The following TNFAIP8L3 variants were observed in gnomAD, a reference collection of about 807,000 sequenced individuals.
The protein encoded by TNFAIP8L3 is TNF alpha induced protein 8 like 3.
TNFAIP8L3 carries 7 observed loss-of-function variants against 11.8 expected under a neutral mutation model. The observed-to-expected ratio is 0.59, with a 90% CI of 0.34 to 1.11. The LOEUF (loss-of-function observed/expected upper bound fraction) is 1.11. Among genes scored for constraint, TNFAIP8L3 ranks in the 50% most tolerant of loss-of-function variants. TNFAIP8L3 has a pLI of 0.03. For synonymous variants in TNFAIP8L3, 98 were observed against 103.8 expected (o/e 0.94, Z 0.34); for missense variants, 219 against 258.6 (o/e 0.85, Z 1.05).
chr15:51,095,265 G>A (rs1301618551), upstream of TNFAIP8L3, among the ~76,000 whole-genome samples: 3 of 149,290 alleles, frequency 2.0e-5, no homozygotes, highest in East Asian at 2.0e-4. Flanking sequence ...GGAAGGGAGC[G>A]GGGAATAAGG....
rs764200057 is a variant in TNFAIP8L3, at chr15:51,058,006, C to T, written c.490G>A (p.Val164Ile). 5.6e-6 allele frequency: 9 copies of T among 1,614,074 alleles called. No individual in the cohort carries two copies. Among genetic ancestry groups the T allele is most frequent in the Admixed American group, 3.3e-5 (2 of 60,010 alleles). The change falls in exon 2 of 2, where the codon GTC (valine) becomes ATC (isoleucine). Residue 164 changes from valine (V) to isoleucine (I), a missense_variant. Val to Ile is a conservative substitution (Grantham distance 29, BLOSUM62 3). Transcript: ENST00000637513. ...TCCACATCGGCAAAGTGGTTAAAGACGTGGTTGATGCGCCCGTGGGTCCTG... is the reference window on the plus strand; with the variant it reads ...TCCACATCGGCAAAGTGGTTAAAGATGTGGTTGATGCGCCCGTGGGTCCTG... Reference protein sequence around the residue: ...TPRTHGRINHVFNHFADVEFL... With the variant: ...TPRTHGRINHIFNHFADVEFL...
At chr15:51,084,832 G>A (rs1271522530) in intron 1 of TNFAIP8L3, among the ~76,000 whole-genome samples, 1 of 152,212 alleles carries the variant, frequency 6.6e-6, no homozygotes, top group Non-Finnish European at 1.5e-5. Flanking sequence ...AAAGCTTACA[G>A]CTATTGTTAT....
At chr15:51,084,005 T>C (rs528566878) in intron 1 of TNFAIP8L3, among the ~76,000 whole-genome samples, 5 of 152,366 alleles carry the variant, frequency 3.3e-5, no homozygotes, top group South Asian at 2.1e-4. Flanking sequence ...GAAAGCTGCA[T>C]GTACTCACTG....
At chr15:51,092,494 C>T (rs918589944) in intron 1 of TNFAIP8L3, among the ~76,000 whole-genome samples, 2 of 152,182 alleles carry the variant, frequency 1.3e-5, no homozygotes, top group Non-Finnish European at 2.9e-5. Context: ...GAATATAATG[C>T]GTGAGACTGA....
chr15:51,098,559 A>T (rs945460154), upstream of TNFAIP8L3, among the ~76,000 whole-genome samples: 14 of 152,246 alleles, frequency 9.2e-5, no homozygotes, highest in Admixed American at 4.6e-4. Context: ...CAGCCTTGAG[A>T]AAGGGAGCTT....
At chr15:51,099,590 C>T (rs1453432915), upstream of TNFAIP8L3, among the ~76,000 whole-genome samples, 6 of 152,184 alleles carry the variant, frequency 3.9e-5, no homozygotes, top group Non-Finnish European at 8.8e-5. Context: ...CCTCCCTGAT[C>T]ACACATGGTG....
chr15:51,079,892 AAAAAG>A (rs2065379948), intron 1 of TNFAIP8L3, among the ~76,000 whole-genome samples: 3 of 151,832 alleles, frequency 2.0e-5, no homozygotes, highest in Admixed American at 6.6e-5. Context: ...AAGAAAGAAA[AAAAAG>A]AAAAGTCATT....
In TNFAIP8L3 at chr15:51,093,618, A is replaced by C. The variant is rs138989834; in HGVS notation, c.52+926T>G. On this transcript the variant is annotated intron_variant, in intron 1 of 1. Coordinates refer to ENST00000637513, the MANE Select transcript of TNFAIP8L3 (RefSeq NM_001311175.2). ...TCTGTACAGGAGGGTCCCAGCCCGCAGGTCACGGGTCTGCAGGCCCACAGC... is the reference window on the plus strand; with the variant it reads ...TCTGTACAGGAGGGTCCCAGCCCGCCGGTCACGGGTCTGCAGGCCCACAGC... Among the ~76,000 whole-genome samples, 99 of 152,236 alleles carry C rather than the reference A, an allele frequency of 6.5e-4. 2 individuals carry two copies. The East Asian group carries it at 0.018, about 28-fold the overall frequency.
intron 1 of TNFAIP8L3, among the ~76,000 whole-genome samples, chr15:51,070,988 T>C (rs1490142549): frequency 2.2e-5 from 3 of 137,884 alleles, no homozygotes; most frequent in Non-Finnish European, 4.6e-5. Context: ...GAGGTGGAGC[T>C]TGCAGTGAGC....
chr15:51,075,756 T>C (rs1299412900), intron 1 of TNFAIP8L3, among the ~76,000 whole-genome samples: 2 of 152,156 alleles, frequency 1.3e-5, no homozygotes, highest in African/African-American at 4.8e-5. Flanking sequence ...TGCAAAACAA[T>C]AAAATGGAAC....
chr15:51,098,381 T>C (rs1426124467), upstream of TNFAIP8L3, among the ~76,000 whole-genome samples: 2 of 152,172 alleles, frequency 1.3e-5, no homozygotes, highest in African/African-American at 2.4e-5. Flanking sequence ...CTTTGGTCCT[T>C]AGAGGTGAAA....
Position 51,058,450 on chromosome 15 carries a change from TA to T in TNFAIP8L3, c.53-8del, listed in dbSNP as rs200925335. 66 of 1,497,672 alleles carry T rather than the reference TA, an allele frequency of 4.4e-5. 1 individual carries two copies. Among genetic ancestry groups the T allele is most frequent in the Admixed American group, 3.8e-4 (16 of 42,412 alleles). The allele number at this position is 1,497,672 out of a possible 1,614,324, so 92.8% of individuals were successfully genotyped here. A position where few individuals can be genotyped will look rare whatever the true frequency, so the allele number is the denominator to read the frequency against. On this transcript the variant is annotated splice_polypyrimidine_tract_variant and splice_region_variant and intron_variant, in intron 1 of 1. Transcript: ENST00000637513. ...GAACTAAAAACATCAGGACCTATGG[TA>T]AAAAAAATATATATAAAAGTTTTAG... is the stretch of plus-strand genomic sequence containing the variant.
intron 1 of TNFAIP8L3, among the ~76,000 whole-genome samples, chr15:51,076,891 A>G (rs2065354762): frequency 6.6e-6 from 1 of 152,152 alleles, no homozygotes; most frequent in African/African-American, 2.4e-5. Flanking sequence ...CTTAAGTATG[A>G]TAAATTGAAT....
chr15:51,058,157 G>A lies in TNFAIP8L3; in HGVS notation c.339C>T (p.Asn113=). The A allele has an allele frequency of 6.2e-7, 1 of 1,614,216 alleles. No homozygotes were observed. Among genetic ancestry groups the A allele is most frequent in the Non-Finnish European group, 8.5e-7 (1 of 1,180,052 alleles). ...AGCTGACAATGGTCATGGCGGTCTG[G>A]TTCAGCTTCTTCCGGAACTTCTCCA... is the stretch of plus-strand genomic sequence containing the variant. ...VIVEKFRKKL[N]QTAMTIVSFY... The change falls in exon 2 of 2, where the codon AAC becomes AAT. Residue 113 remains asparagine (N), a synonymous_variant. Coordinates refer to ENST00000637513, the MANE Select transcript of TNFAIP8L3 (RefSeq NM_001311175.2).
intron 1 of TNFAIP8L3, among the ~76,000 whole-genome samples, chr15:51,071,775 T>G (rs767438052): frequency 5.3e-5 from 8 of 152,188 alleles, no homozygotes; most frequent in Admixed American, 1.3e-4. Flanking sequence ...ACTGCACTCA[T>G]TTTCACTCCC....
At chr15:51,059,733 A>C (rs1171135117) in intron 1 of TNFAIP8L3, among the ~76,000 whole-genome samples, 3 of 152,268 alleles carry the variant, frequency 2.0e-5, no homozygotes, top group Non-Finnish European at 4.4e-5. Flanking sequence ...AAGAAAAACC[A>C]ATATTCCTTT....
intron 1 of TNFAIP8L3, chr15:51,104,881 C>T: frequency 8.9e-7 from 1 of 1,125,618 alleles, no homozygotes; most frequent in Non-Finnish European, 1.3e-6. Flanking sequence ...AAGAGATGGG[C>T]TGCCTGTGCT....
chr15:51,086,752 C>T (rs2065430324), intron 1 of TNFAIP8L3, among the ~76,000 whole-genome samples: 1 of 152,160 alleles, frequency 6.6e-6, no homozygotes, highest in Non-Finnish European at 1.5e-5. Flanking sequence ...GTCCCGAATA[C>T]ATTGTAAGTG....
rs1351796369 is a variant in TNFAIP8L3, at chr15:51,094,824, G to T, written c.-229C>A. 5.8e-6 allele frequency: 3 copies of T among 514,448 alleles called. No homozygotes were observed. Among genetic ancestry groups the T allele is most frequent in the Non-Finnish European group, 7.5e-6 (3 of 401,488 alleles). 31.9% of individuals were successfully genotyped at this position (514,448 alleles called of 1,614,324 possible). Reference sequence around the variant, plus strand: ...GCCGGTGCCTGCGCGCGAGGCGAGCGCAGGGCGGAGGGTGGGGCGCTCCGG... The same window carrying T: ...GCCGGTGCCTGCGCGCGAGGCGAGCTCAGGGCGGAGGGTGGGGCGCTCCGG... On this transcript the variant is annotated 5_prime_UTR_variant, in exon 1 of 2. Coordinates refer to ENST00000637513, the MANE Select transcript of TNFAIP8L3 (RefSeq NM_001311175.2). The surrounding 1 kb of genome is among the most constrained non-coding windows in gnomAD (Gnocchi z 4.4).
Sources: gnomAD v4.1 joint callset for allele counts (sites outside exome capture counted in the v4.1 genomes callset) on GRCh38, gnomAD v4.1.1 for gene constraint, Gnocchi (gnomAD v3.1) non-coding constraint, MANE v1.5 for transcripts, NCBI Gene and HGNC (gene_info 2026-07-23, HGNC 2026-07-21) for gene names.